LZTFL1: variants seen among roughly 807,000 people sequenced by gnomAD.
The protein encoded by LZTFL1 is leucine zipper transcription factor-like protein 1.
A neutral mutation model predicts 45.9 loss-of-function variants in LZTFL1; 25 were observed. The ratio of observed to expected loss-of-function variants is 0.54; its 90% CI spans 0.40 to 0.76. LZTFL1 has a LOEUF of 0.76. Ranked by LOEUF, LZTFL1 falls within the 30% of genes least tolerant of loss-of-function variation. The pLI, the probability that LZTFL1 is intolerant of heterozygous loss-of-function variation, is 0.00. For synonymous variants in LZTFL1, 93 were observed against 117.4 expected (o/e 0.79, Z 1.35); for missense variants, 277 against 331.1 (o/e 0.84, Z 1.27).
At position 45,834,249 on chromosome 3, in the gene LZTFL1, A is replaced by T. The variant is rs1194463739; in HGVS notation, c.373T>A (p.Ser125Thr). Residue 125 changes from serine to threonine, a missense_variant, in exon 4 of 10, where the codon TCA becomes ACA. Transcript: ENST00000296135. ...AEFEKAEITS[S>T]NKKPILDVTK... is the part of the protein sequence containing the mutation. ...GACCAAAAAGTTACCTTTTTGTTTG[A>T]AGATGTAATCTCTGCTTTTTCAAAT... 3 of 1,591,654 alleles carry T rather than the reference A, an allele frequency of 1.9e-6. No individual in the cohort carries two copies. The highest frequency in any genetic ancestry group is 2.6e-6 in the Non-Finnish European group (3 of 1,161,978).
At chr3:45,866,249 T>G (rs1246152740) in intron 2 of LZTFL1, among the ~76,000 whole-genome samples, 2 of 152,186 alleles carry the variant, frequency 1.3e-5, no homozygotes, top group Non-Finnish European at 2.9e-5. Context: ...ACAGCAAGAT[T>G]TATCCAATTG....
chr3:45,828,110 C>T (rs1700714973), intron 8 of LZTFL1, among the ~76,000 whole-genome samples: 1 of 152,100 alleles, frequency 6.6e-6, no homozygotes, highest in African/African-American at 2.4e-5. Context: ...AAAAAACAGT[C>T]CCTCATCCCT....
intron 2 of LZTFL1, among the ~76,000 whole-genome samples, chr3:45,895,501 G>A (rs1702325090): frequency 6.6e-6 from 1 of 152,202 alleles, no homozygotes; most frequent in Non-Finnish European, 1.5e-5. Flanking sequence ...ACCTGGCCAA[G>A]GCCAGGATTT....
At chr3:45,836,445 A>C (rs1165566501) in intron 2 of LZTFL1, among the ~76,000 whole-genome samples, 2 of 152,168 alleles carry the variant, frequency 1.3e-5, no homozygotes, top group Non-Finnish European at 2.9e-5. Context: ...ACTTGAGGTC[A>C]GGAGTTCGAG....
intron 2 of LZTFL1, chr3:45,897,493 C>T (rs1702395135): frequency 2.1e-6 from 2 of 936,932 alleles, no homozygotes; most frequent in South Asian, 1.4e-5. Context: ...GCTCACCGGG[C>T]AGTGGAGAAA....
intron 2 of LZTFL1, among the ~76,000 whole-genome samples, chr3:45,870,154 G>T (rs1393228506): frequency 1.3e-5 from 2 of 152,212 alleles, no homozygotes; most frequent in African/African-American, 2.4e-5. Flanking sequence ...GGCAGGAGGG[G>T]CAGGGTAGCA....
At chr3:45,840,063 TC>T (rs1447654116) in intron 1 of LZTFL1, among the ~76,000 whole-genome samples, 5 of 152,230 alleles carry the variant, frequency 3.3e-5, no homozygotes, top group Non-Finnish European at 7.3e-5. Flanking sequence ...ATGAACCATT[TC>T]TTATAATGCA....
chr3:45,913,930 A>G (rs1244230921), intron 1 of LZTFL1, among the ~76,000 whole-genome samples: 1 of 152,246 alleles, frequency 6.6e-6, no homozygotes, highest in Non-Finnish European at 1.5e-5. Flanking sequence ...GAATAAAAAT[A>G]TAAGCCATAA....
rs976436545 is a variant in LZTFL1, at chr3:45,828,754, G to A, written c.601-139C>T. On this transcript the variant is annotated intron_variant, in intron 7 of 9. Transcript: ENST00000296135. ...CATGCCAGCCTCCCTTGCCAGCCTA[G>A]GTAAGTGCCAGCCCCTTCAGAGTCA... 7 of 732,326 alleles carry A rather than the reference G, an allele frequency of 9.6e-6. No homozygotes were observed. The African/African-American group carries it at 1.1e-4, about 11-fold the overall frequency. 45.4% of individuals were successfully genotyped at this position (732,326 alleles called of 1,614,324 possible).
chr3:45,873,549 A>G (rs1013347193), intron 2 of LZTFL1, among the ~76,000 whole-genome samples: 3 of 152,190 alleles, frequency 2.0e-5, no homozygotes, highest in African/African-American at 7.2e-5. Context: ...AACTATTATA[A>G]TTCATTTCTC....
intron 2 of LZTFL1, among the ~76,000 whole-genome samples, chr3:45,865,315 T>C (rs1701560226): frequency 6.6e-6 from 1 of 152,264 alleles, no homozygotes; most frequent in African/African-American, 2.4e-5. Context: ...TGAAGTAGGA[T>C]ACTCAGCAAC....
intron 2 of LZTFL1, chr3:45,902,713 T>C (rs200630761): frequency 1.8e-5 from 3 of 167,108 alleles, no homozygotes; most frequent in Non-Finnish European, 2.9e-5. Context: ...CTTGGCCCTG[T>C]TGTAGGCTTG....
chr3:45,914,789 C>G (rs1468132214), intron 1 of LZTFL1, among the ~76,000 whole-genome samples: 1 of 152,214 alleles, frequency 6.6e-6, no homozygotes, highest in Admixed American at 6.5e-5. Flanking sequence ...AGGACCAGTT[C>G]TGGTCTCCTT....
chr3:45,844,556 G>A (rs1379381210), upstream of LZTFL1, among the ~76,000 whole-genome samples: 1 of 152,158 alleles, frequency 6.6e-6, no homozygotes, highest in African/African-American at 2.4e-5. Context: ...TGGAAAATAG[G>A]GGAAATTATT....
At chr3:45,873,107 G>C (rs1260503147) in intron 2 of LZTFL1, among the ~76,000 whole-genome samples, 2 of 152,320 alleles carry the variant, frequency 1.3e-5, no homozygotes, top group East Asian at 1.9e-4. Flanking sequence ...AGACAAACCT[G>C]TTCCTTGTTC....
Position 45,833,109 on chromosome 3 carries a change from CATCT to C in LZTFL1, c.393_396del (p.Asp132SerfsTer18), listed in dbSNP as rs760649157. The C allele has an allele frequency of 6.2e-7, 1 of 1,612,854 alleles. No individual in the cohort carries two copies. The highest frequency in any genetic ancestry group is 1.1e-5 in the South Asian group (1 of 91,052). Reference sequence around the variant, plus strand: ...AGTGGAGCAAGTTTTGGCTTTGTGACATCTAAGATGGGCTGAAACAAAATAAAGA... The same window carrying C: ...AGTGGAGCAAGTTTTGGCTTTGTGACAAGATGGGCTGAAACAAAATAAAGA... On this transcript the variant is annotated frameshift_variant, in exon 5 of 10. Transcript: ENST00000296135. LOFTEE classifies it high-confidence loss of function.
Position 45,908,137 on chromosome 3 carries a change from G to T in LZTFL1, c.-215+4983C>A, listed in dbSNP as rs143932900. On this transcript the variant is annotated intron_variant, in intron 2 of 4. Transcript: ENST00000472635. Reference sequence around the variant, plus strand: ...TGTCCCCTCTCCTTGAATCTGGGTGGGCTCTGGGTTTGCTTGAACAGTGGA... The same window carrying T: ...TGTCCCCTCTCCTTGAATCTGGGTGTGCTCTGGGTTTGCTTGAACAGTGGA... Among the ~76,000 whole-genome samples, 639 of 152,178 alleles carry T rather than the reference G, an allele frequency of 4.2e-3. 7 individuals carry two copies. The highest frequency in any genetic ancestry group is 0.014 in the African/African-American group (572 of 41,516).
intron 2 of LZTFL1, among the ~76,000 whole-genome samples, chr3:45,873,755 C>T (rs1006975368): frequency 6.6e-6 from 1 of 152,176 alleles, no homozygotes; most frequent in African/African-American, 2.4e-5. Context: ...CAAACCAAAA[C>T]AAAACCTCTT....
At chr3:45,842,214 C>A, upstream of LZTFL1, 1 of 1,406,230 alleles carries the variant, frequency 7.1e-7, no homozygotes, top group South Asian at 1.5e-5. Context: ...AACCGGTTGA[C>A]TGCCACATGC....
Sources: allele counts gnomAD v4.1 joint callset (sites outside exome capture counted in the v4.1 genomes callset), GRCh38; gene constraint gnomAD v4.1.1; transcripts MANE v1.5; gene names NCBI Gene and HGNC (gene_info 2026-07-23, HGNC 2026-07-21).